Variants in KTN1 observed in about 807,000 individuals in gnomAD.
The protein encoded by KTN1 is kinectin 1.
KTN1 carries 130 observed loss-of-function variants against 222.5 expected under a neutral mutation model. That is an observed-to-expected ratio of 0.58 (90% CI 0.51 to 0.68). KTN1 has a LOEUF of 0.68. Ranked by LOEUF, KTN1 falls within the 30% of genes least tolerant of loss-of-function variation. The pLI is 0.00. For synonymous variants in KTN1, 512 were observed against 496.3 expected, an observed-to-expected ratio of 1.03 and a Z score of -0.42; for missense variants, 1,508 against 1,500.4, an observed-to-expected ratio of 1.01 and a Z score of -0.08.
At chr14:55,644,263 A>G in intron 18 of KTN1, 1 of 548,644 alleles carries the variant, frequency 1.8e-6, no homozygotes, top group Non-Finnish European at 3.3e-6. Flanking sequence ...TCTATCCCAC[A>G]GTCAGAATTC....
chr14:55,599,479 T>C (rs548550834), intron 1 of KTN1, among the ~76,000 whole-genome samples: 2 of 152,260 alleles, frequency 1.3e-5, no homozygotes, highest in East Asian at 3.9e-4. Flanking sequence ...TTTTTCTTTT[T>C]TTTGAGACAG....
At chr14:55,583,345 T>C (rs886386472) in intron 1 of KTN1, among the ~76,000 whole-genome samples, 6 of 152,224 alleles carry the variant, frequency 3.9e-5, no homozygotes, top group Non-Finnish European at 7.3e-5. Flanking sequence ...GATATACTTT[T>C]AATTCTAACA....
At chr14:55,618,708 C>A (rs1258676678) in intron 4 of KTN1, among the ~76,000 whole-genome samples, 1 of 152,134 alleles carries the variant, frequency 6.6e-6, no homozygotes, top group African/African-American at 2.4e-5. Context: ...GGATGGTTTG[C>A]ATATATTTGA....
intron 18 of KTN1, among the ~76,000 whole-genome samples, chr14:55,645,270 A>G (rs1390745903): frequency 6.6e-6 from 1 of 152,184 alleles, no homozygotes; most frequent in Non-Finnish European, 1.5e-5. Flanking sequence ...TATTCAGAGT[A>G]TTGGTATATT....
chr14:55,650,004 AAAAC>A, intron 22 of KTN1, among the ~76,000 whole-genome samples, 191 bp downstream of exon 22: 1 of 151,880 alleles, frequency 6.6e-6, no homozygotes, highest in Middle Eastern at 3.4e-3. Context: ...TAAAAAAAAA[AAAAC>A]AAAAAAAAAC....
chr14:55,678,495 G>T (rs997847644), intron 42 of KTN1, 51 bp downstream of exon 42: 26 of 1,152,992 alleles, frequency 2.3e-5, no homozygotes, highest in Non-Finnish European at 3.1e-5. Flanking sequence ...CTTGTGACCT[G>T]TGTAAAGAAC....
intron 1 of KTN1, 184 bp from the exon 2 acceptor site, chr14:55,611,835 A>T (rs569252224): frequency 4.5e-5 from 14 of 313,874 alleles, no homozygotes; most frequent in South Asian, 3.2e-4. Flanking sequence ...CTTATTTTTC[A>T]TAGTATATAT....
intron 1 of KTN1, among the ~76,000 whole-genome samples, chr14:55,592,806 A>G (rs1034665966): frequency 6.6e-6 from 1 of 152,182 alleles, no homozygotes; most frequent in African/African-American, 2.4e-5. Flanking sequence ...ATATGTATGG[A>G]CAAACTTCTA....
chr14:55,582,649 C>T (rs1183140377), intron 1 of KTN1, among the ~76,000 whole-genome samples: 2 of 151,908 alleles, frequency 1.3e-5, no homozygotes, highest in Non-Finnish European at 2.9e-5. Flanking sequence ...AATTGTATGC[C>T]TATAATTTTT....
chr14:55,616,720 T>A, intron 3 of KTN1, 66 bp downstream of exon 3: 1 of 1,336,310 alleles, frequency 7.5e-7, no homozygotes, highest in African/African-American at 1.5e-5. Context: ...ACAAGGACCC[T>A]GGAATCTCAC....
intron 41 of KTN1, among the ~76,000 whole-genome samples, chr14:55,676,306 A>G (rs2045886964): frequency 6.6e-6 from 1 of 152,032 alleles, no homozygotes; most frequent in Non-Finnish European, 1.5e-5. Flanking sequence ...TTTTTTTTAG[A>G]TGTTTTTCCT....
At chr14:55,632,154 C>G (rs897199095) in intron 7 of KTN1, among the ~76,000 whole-genome samples, 1 of 152,164 alleles carries the variant, frequency 6.6e-6, no homozygotes, top group Non-Finnish European at 1.5e-5. Context: ...TAGTGAAGAA[C>G]TGATTTTCCT....
rs1555371423 is a variant in KTN1, at chr14:55,631,341, G to GATTGATATATATAT, written c.1221+1246_1221+1247insTGATATATATATAT. On this transcript the variant is annotated intron_variant, in intron 7 of 43. Transcript: ENST00000395314. The stretch of plus-strand genomic sequence containing the variant: ...CTAAAACTCACCTATTGATAAGGTT[G>GATTGATATATATAT]ATATATATATATATATATATATATA... 8.5e-3 allele frequency among the ~76,000 whole-genome samples: 979 copies of GATTGATATATATAT among 114,654 alleles called. 21 individuals are homozygous for GATTGATATATATAT. The highest frequency in any genetic ancestry group is 0.018 in the South Asian group (62 of 3,492). 75.2% of individuals were successfully genotyped at this position (114,654 alleles called of 152,430 possible).
chr14:55,592,523 G>C (rs1470779815), intron 1 of KTN1, among the ~76,000 whole-genome samples: 1 of 152,194 alleles, frequency 6.6e-6, no homozygotes, highest in African/African-American at 2.4e-5. Context: ...GAGTAGATGG[G>C]CTATGGGACT....
Position 55,671,554 on chromosome 14 carries a change from C to T in KTN1, c.3349-12C>T, listed in dbSNP as rs377509769. 55 of 1,591,216 alleles carry T rather than the reference C, an allele frequency of 3.5e-5. No homozygotes were observed. The highest frequency in any genetic ancestry group is 1.7e-4 in the Middle Eastern group (1 of 5,864). On this transcript the variant is annotated splice_polypyrimidine_tract_variant and intron_variant, in intron 35 of 43. Transcript: ENST00000395314. ...AGAATTATGGAGTTTTTCTTTATTTCGTTCTTTGCAGGTTCTAGAGCACAA... is the reference window on the plus strand; with the variant it reads ...AGAATTATGGAGTTTTTCTTTATTTTGTTCTTTGCAGGTTCTAGAGCACAA...
At chr14:55,661,095 T>C (rs2044093098) in intron 31 of KTN1, among the ~76,000 whole-genome samples, 1 of 152,232 alleles carries the variant, frequency 6.6e-6, no homozygotes, top group African/African-American at 2.4e-5. Flanking sequence ...ATTATACTTT[T>C]GTTGTGGGTT....
At chr14:55,590,715 G>T (rs755168164) in intron 1 of KTN1, among the ~76,000 whole-genome samples, 20 of 148,994 alleles carry the variant, frequency 1.3e-4, no homozygotes, top group Non-Finnish European at 2.7e-4. Flanking sequence ...TCGCTCTGTT[G>T]CCCAGGCTGG....
At chr14:55,677,785 G>A (rs181627872) in intron 41 of KTN1, among the ~76,000 whole-genome samples, 28 of 152,194 alleles carry the variant, frequency 1.8e-4, no homozygotes, top group East Asian at 1.5e-3. Context: ...TGCAACCTCC[G>A]CCTCCCAGGT....
At chr14:55,666,633 TATG>T (rs1432835019) in intron 33 of KTN1, among the ~76,000 whole-genome samples, 1 of 151,940 alleles carries the variant, frequency 6.6e-6, no homozygotes, top group African/African-American at 2.4e-5. Flanking sequence ...AACTAGTTTT[TATG>T]ATGTGTGGCA....
Sources: allele counts gnomAD v4.1 joint callset (sites outside exome capture counted in the v4.1 genomes callset), GRCh38; gene constraint gnomAD v4.1.1; transcripts MANE v1.5; gene names NCBI Gene and HGNC (gene_info 2026-07-23, HGNC 2026-07-21).